The following SORL1 variants were observed in gnomAD, a reference collection of about 807,000 sequenced individuals.
SORL1 encodes sortilin-related receptor.
SORL1 carries 127 observed loss-of-function variants against 273.7 expected under a neutral mutation model. That is an observed-to-expected ratio of 0.46 (90% CI 0.40 to 0.54). The LOEUF is 0.54. Ranked by LOEUF, SORL1 falls within the 20% of genes least tolerant of loss-of-function variation. The probability of loss-of-function intolerance (pLI) is 0.00; values close to 1 mark genes in which losing one functional copy is unlikely to be tolerated. For synonymous variants in SORL1, 1,031 were observed against 1,067.4 expected, an observed-to-expected ratio of 0.97 and a Z score of 0.66; for missense variants, 2,494 against 2,846.1, an observed-to-expected ratio of 0.88 and a Z score of 2.81.
chr11:121,598,337 T>C (rs1467361814), intron 32 of SORL1, among the ~76,000 whole-genome samples: 1 of 152,104 alleles, frequency 6.6e-6, no homozygotes, highest in Admixed American at 6.5e-5. Flanking sequence ...TTTTTGGCTG[T>C]GGTAATAAGG....
chr11:121,625,031 G>C, intron 45 of SORL1, 54 bp from the exon 46 acceptor site: 1 of 1,313,492 alleles, frequency 7.6e-7, no homozygotes. Flanking sequence ...CAGTAATAGA[G>C]GCTGTCAGTT....
In SORL1 at chr11:121,463,178, C is replaced by T. The variant is rs114276937; in HGVS notation, c.286-6829C>T. On this transcript the variant is annotated intron_variant, in intron 1 of 47. Transcript: ENST00000260197. ...ACCACCACATTGCCTTAAAGTCTGT[C>T]TCTGAGCTTAATCTCATTTGCAAAA... is the stretch of plus-strand genomic sequence containing the variant. Among the ~76,000 whole-genome samples, 485 of 152,278 alleles carry T rather than the reference C, an allele frequency of 3.2e-3. 6 individuals are homozygous for T. Among genetic ancestry groups the T allele is most frequent in the African/African-American group, 0.011 (464 of 41,552 alleles).
chr11:121,555,463 C>A, intron 18 of SORL1, 145 bp downstream of exon 18: 3 of 1,017,252 alleles, frequency 2.9e-6, no homozygotes, highest in Non-Finnish European at 4.2e-6. Flanking sequence ...ACCAGCTGAG[C>A]CTCTGGAGAG....
At chr11:121,576,101 T>C (rs1862926685) in intron 24 of SORL1, among the ~76,000 whole-genome samples, 1 of 152,262 alleles carries the variant, frequency 6.6e-6, no homozygotes, top group Non-Finnish European at 1.5e-5. Flanking sequence ...TCCTGTTTTC[T>C]GACGCTCTGT....
At chr11:121,519,936 A>G (rs1388592432) in intron 8 of SORL1, among the ~76,000 whole-genome samples, 1 of 152,196 alleles carries the variant, frequency 6.6e-6, no homozygotes, top group Non-Finnish European at 1.5e-5. Flanking sequence ...AAAAGTTGAA[A>G]AGAAACAAAT....
chr11:121,511,977 A>G (rs939324660), intron 6 of SORL1, among the ~76,000 whole-genome samples: 5 of 152,216 alleles, frequency 3.3e-5, no homozygotes, highest in African/African-American at 1.2e-4. Context: ...GATTATGTCC[A>G]CATGAGGGTA....
At chr11:121,612,914 G>T in intron 40 of SORL1, 82 bp downstream of exon 40, 4 of 982,450 alleles carry the variant, frequency 4.1e-6, no homozygotes, top group Non-Finnish European at 6.4e-6. Context: ...GCTTGACTGG[G>T]GGTGCCAGGG....
intron 11 of SORL1, among the ~76,000 whole-genome samples, chr11:121,524,640 G>A (rs370671147): frequency 1.7e-4 from 26 of 152,340 alleles, no homozygotes; most frequent in South Asian, 1.7e-3. Context: ...ACTGATGACT[G>A]TAATTGTGGT....
At chr11:121,541,011 G>C (rs1003325551) in intron 12 of SORL1, among the ~76,000 whole-genome samples, 1 of 152,214 alleles carries the variant, frequency 6.6e-6, no homozygotes, top group African/African-American at 2.4e-5. Context: ...TTACAAGAAG[G>C]AGACTGAATG....
intron 16 of SORL1, among the ~76,000 whole-genome samples, chr11:121,551,241 C>G (rs1175341755): frequency 6.6e-6 from 1 of 152,166 alleles, no homozygotes. Flanking sequence ...GGTCACACAT[C>G]TAGTAAGTGA....
chr11:121,570,000 C>T (rs1019332726), intron 22 of SORL1, among the ~76,000 whole-genome samples, 157 bp from the exon 23 acceptor site: 1 of 152,098 alleles, frequency 6.6e-6, no homozygotes, highest in Admixed American at 6.5e-5. Context: ...TAGAAAAGAA[C>T]CTATGTGAAA....
At chr11:121,561,510 T>C (rs1435189294) in intron 21 of SORL1, among the ~76,000 whole-genome samples, 2 of 152,068 alleles carry the variant, frequency 1.3e-5, no homozygotes, top group East Asian at 1.9e-4. Context: ...TCTGGATAGA[T>C]GACAGGCTGG....
At chr11:121,476,069 A>G (rs541684493) in intron 2 of SORL1, among the ~76,000 whole-genome samples, 5 of 152,342 alleles carry the variant, frequency 3.3e-5, no homozygotes, top group Admixed American at 2.0e-4. Context: ...AATGTAAACT[A>G]TCACCTTTGT....
rs777313819 is a variant in SORL1 at position 121,520,699 on chromosome 11, A to G, written c.1254A>G (p.Glu418=). 3.8e-6 allele frequency: 6 copies of G among 1,596,386 alleles called. No homozygotes were observed. The Admixed American group carries it at 8.8e-5, about 24-fold the overall frequency. Residue 418 remains glutamate (E), a synonymous_variant, in exon 9 of 48, where the codon GAA becomes GAG. Transcript: ENST00000260197. ...NEPFADFHRV[E]GLQGVYIATL... Reference sequence around the variant, plus strand: ...CATTTGCTGACTTCCACCGAGTGGAAGGATTGCAAGGAGTCTACATTGCTA... The same window carrying G: ...CATTTGCTGACTTCCACCGAGTGGAGGGATTGCAAGGAGTCTACATTGCTA...
chr11:121,620,052 A>G, intron 43 of SORL1, 135 bp downstream of exon 43: 1 of 704,250 alleles, frequency 1.4e-6, no homozygotes, highest in South Asian at 1.8e-5. Context: ...TCTCTCTCCC[A>G]TTTCAGTCTG....
rs981857033 is a variant in SORL1 at position 121,533,680 on chromosome 11, G to A, written c.1685+1128G>A. On this transcript the variant is annotated intron_variant, in intron 12 of 47. Coordinates refer to ENST00000260197, the MANE Select transcript of SORL1 (RefSeq NM_003105.6). The stretch of plus-strand genomic sequence containing the variant: ...TTTTCTTTGCTCCTTTTAGAAACGG[G>A]GCCAGCAGTAAGTGAGAGGTGGGTG... Among the ~76,000 whole-genome samples the A allele has an allele frequency of 2.6e-5, 4 of 152,166 alleles. No homozygotes were observed. In the East Asian group the frequency reaches 5.8e-4, roughly 22 times the overall value.
chr11:121,601,580 A>ATT (rs1449767015), intron 32 of SORL1, among the ~76,000 whole-genome samples: 14 of 93,846 alleles, frequency 1.5e-4, no homozygotes, highest in African/African-American at 6.4e-4. Context: ...CTTTTTAATG[A>ATT]TTGTTTTTTT....
intron 11 of SORL1, among the ~76,000 whole-genome samples, chr11:121,531,574 A>G (rs555020250): frequency 3.3e-5 from 5 of 152,182 alleles, no homozygotes; most frequent in Middle Eastern, 3.4e-3. Context: ...AGCCTTCTGG[A>G]GGATATTGAT....
intron 21 of SORL1, chr11:121,566,674 C>T (rs1183914935): frequency 1.3e-5 from 5 of 384,964 alleles, no homozygotes; most frequent in Non-Finnish European, 2.4e-5. Context: ...TTTCAGTGAC[C>T]CAATTACAAA....
Sources: gnomAD v4.1 joint callset for allele counts (sites outside exome capture counted in the v4.1 genomes callset) on GRCh38, gnomAD v4.1.1 for gene constraint, MANE v1.5 for transcripts, NCBI Gene and HGNC (gene_info 2026-07-23, HGNC 2026-07-21) for gene names.